The following TUT4 variants were observed in gnomAD, a reference collection of about 807,000 sequenced individuals.
TUT4 encodes the protein terminal uridylyl transferase 4.
TUT4 carries 36 observed loss-of-function variants against 192.2 expected under a neutral mutation model. That is an observed-to-expected ratio of 0.19 (90% CI 0.14 to 0.25). The LOEUF (loss-of-function observed/expected upper bound fraction) is 0.25. Among genes scored for constraint, TUT4 ranks in the 10% least tolerant of loss-of-function variants. TUT4 has a pLI of 1.00. For missense variants in TUT4, 1,493 were observed against 1,957.2 expected, an observed-to-expected ratio of 0.76 and a Z score of 4.47; for synonymous variants, 618 against 666.0, an observed-to-expected ratio of 0.93 and a Z score of 1.11.
intron 1 of TUT4, among the ~76,000 whole-genome samples, chr1:52,533,779 C>T (rs1421752163): frequency 1.3e-5 from 2 of 152,080 alleles, no homozygotes; most frequent in African/African-American, 4.8e-5. Context: ...ACTGGCCTGG[C>T]ATGGCGAAAT....
At position 52,423,797 on chromosome 1, in the gene TUT4, C is replaced by A. The variant is rs1648824061; in HGVS notation, c.*138G>T. ...AACGTGTTAAAATTTTAAATCAGGA[C>A]CTGATTTGTTTTGCTTTCCATTAAA... On this transcript the variant is annotated 3_prime_UTR_variant, in exon 30 of 30. Transcript: ENST00000257177. 2 of 1,540,484 alleles carry A rather than the reference C, an allele frequency of 1.3e-6. No homozygotes were observed. Among genetic ancestry groups the A allele is most frequent in the East Asian group, 4.9e-5 (2 of 40,614 alleles).
intron 1 of TUT4, among the ~76,000 whole-genome samples, chr1:52,527,247 T>C (rs1430835389): frequency 6.6e-6 from 1 of 152,090 alleles, no homozygotes; most frequent in Non-Finnish European, 1.5e-5. Context: ...CGCTGAAGTA[T>C]ACTTTAAAAA....
intron 4 of TUT4, among the ~76,000 whole-genome samples, chr1:52,504,262 G>A (rs1306612414): frequency 6.6e-6 from 1 of 152,096 alleles, no homozygotes; most frequent in Non-Finnish European, 1.5e-5. Context: ...AGATTATTAT[G>A]AAAGGCTAAC....
At chr1:52,448,154 A>C (rs1194333000) in intron 20 of TUT4, among the ~76,000 whole-genome samples, 1 of 152,258 alleles carries the variant, frequency 6.6e-6, no homozygotes. Flanking sequence ...ACTATATTTA[A>C]TATGTAAGTA....
intron 4 of TUT4, among the ~76,000 whole-genome samples, chr1:52,500,717 G>A (rs1032442142): frequency 5.3e-5 from 8 of 151,926 alleles, no homozygotes; most frequent in African/African-American, 1.9e-4. Context: ...AGCCGAGATT[G>A]TGCCATTGCA....
intron 26 of TUT4, among the ~76,000 whole-genome samples, chr1:52,435,909 A>C (rs1010574497): frequency 1.7e-4 from 26 of 150,788 alleles, no homozygotes; most frequent in African/African-American, 5.9e-4. Flanking sequence ...GTCTCTCTCT[A>C]TGTCTCTCTC....
chr1:52,511,213 T>C (rs1471899821), intron 3 of TUT4, among the ~76,000 whole-genome samples: 1 of 152,198 alleles, frequency 6.6e-6, no homozygotes, highest in Non-Finnish European at 1.5e-5. Context: ...TCTCAGGGAT[T>C]AATTTGCCCA....
intron 3 of TUT4, among the ~76,000 whole-genome samples, chr1:52,512,989 A>AGC (rs1677634603): frequency 6.6e-6 from 1 of 151,972 alleles, no homozygotes; most frequent in African/African-American, 2.4e-5. Context: ...CAGTTGTGGT[A>AGC]GCGCATGCCT....
At chr1:52,515,311 T>C (rs902000474) in intron 3 of TUT4, 3 of 153,326 alleles carry the variant, frequency 2.0e-5, no homozygotes, top group African/African-American at 7.2e-5. Context: ...TTTTCACCAA[T>C]ACATCCCCAG....
At chr1:52,439,232 A>T (rs1045226136) in intron 24 of TUT4, among the ~76,000 whole-genome samples, 1 of 152,198 alleles carries the variant, frequency 6.6e-6, no homozygotes, top group African/African-American at 2.4e-5. Context: ...TCTGTCTCTA[A>T]AAACTAAAAA....
chr1:52,485,479 C>T (rs994913276), intron 9 of TUT4, among the ~76,000 whole-genome samples: 2 of 152,066 alleles, frequency 1.3e-5, no homozygotes, highest in Non-Finnish European at 2.9e-5. Context: ...TTCCTAAAAT[C>T]CCAAAACAAT....
intron 13 of TUT4, among the ~76,000 whole-genome samples, chr1:52,472,923 T>C (rs1297832846): frequency 6.6e-6 from 1 of 152,186 alleles, no homozygotes; most frequent in East Asian, 1.9e-4. Flanking sequence ...ATACAAATTA[T>C]ATAAGGAAAT....
intron 13 of TUT4, among the ~76,000 whole-genome samples, 198 bp from the exon 14 acceptor site, chr1:52,472,300 C>T (rs1665976864): frequency 6.6e-6 from 1 of 151,456 alleles, no homozygotes. Context: ...ACTTTTTCTT[C>T]CCCACTAAAA....
At chr1:52,429,415 G>A (rs377253370) in intron 28 of TUT4, among the ~76,000 whole-genome samples, 13 of 151,622 alleles carry the variant, frequency 8.6e-5, no homozygotes, top group African/African-American at 2.7e-4. Context: ...GCACAGTGGT[G>A]TGTGCCTGTA....
chr1:52,493,627 C>T lies in TUT4; in HGVS notation c.1302G>A (p.Gly434=). The T allele has an allele frequency of 6.7e-7, 1 of 1,492,092 alleles. No homozygotes were observed. Among genetic ancestry groups the T allele is most frequent in the Non-Finnish European group, 9.1e-7 (1 of 1,099,422 alleles). 92.4% of individuals were successfully genotyped at this position (1,492,092 alleles called of 1,614,324 possible). ...NHPDLLIKVL[G]ILKKNVLYVD... ...GAAACTCACCATTTTTCTTTAAAATCCCAAGTACTTTTATCAGAAGATCTG... is the reference window on the plus strand; with the variant it reads ...GAAACTCACCATTTTTCTTTAAAATTCCAAGTACTTTTATCAGAAGATCTG... Residue 434 remains glycine (G), a synonymous_variant, in exon 7 of 30, where the codon GGG becomes GGA. Transcript: ENST00000257177.
chr1:52,522,856 C>T (rs1308215849), intron 2 of TUT4, among the ~76,000 whole-genome samples: 2 of 151,960 alleles, frequency 1.3e-5, no homozygotes, highest in East Asian at 3.9e-4. Context: ...AACTCAGAGG[C>T]AGAGGTTGCA....
chr1:52,436,681 A>T, intron 26 of TUT4, 74 bp downstream of exon 26: 2 of 1,591,378 alleles, frequency 1.3e-6, no homozygotes, highest in Non-Finnish European at 1.7e-6. Flanking sequence ...GAGAGGAATT[A>T]GGGTCATTTA....
rs1308845154 is a variant in TUT4, at chr1:52,431,128, G to A, written c.4596C>T (p.Ile1532=). 4.3e-6 allele frequency: 7 copies of A among 1,614,132 alleles called. No individual in the cohort carries two copies. The highest frequency in any genetic ancestry group is 4.5e-5 in the East Asian group (2 of 44,902). Residue 1532 remains isoleucine (I), a synonymous_variant, in exon 28 of 30, where the codon ATC becomes ATT. Coordinates refer to ENST00000257177, the MANE Select transcript of TUT4 (RefSeq NM_001009881.3). The stretch of plus-strand genomic sequence containing the variant: ...CAGGTCTGGCAGCAGGCTGTGCAAA[G>A]ATGATGCTGGGATCATTTAGGCCAA... ...SNIGLNDPSI[I]FAQPAARPVA...
intron 4 of TUT4, among the ~76,000 whole-genome samples, chr1:52,504,583 T>C (rs1408071550): frequency 3.9e-5 from 6 of 152,160 alleles, no homozygotes; most frequent in Admixed American, 3.9e-4. Context: ...TGAGATGAGA[T>C]AGCGCCACTG....
Sources: gnomAD v4.1 joint callset for allele counts (sites outside exome capture counted in the v4.1 genomes callset) on GRCh38, gnomAD v4.1.1 for gene constraint, MANE v1.5 for transcripts, NCBI Gene and HGNC (gene_info 2026-07-23, HGNC 2026-07-21) for gene names.